Variants in OR1J2 observed in about 807,000 individuals in gnomAD.
The protein encoded by OR1J2 is olfactory receptor family 1 subfamily J member 2, also known as olfactory receptor 1J2.
For missense variants in OR1J2, 304 were observed against 246.1 expected (o/e 1.24, Z -1.57); for synonymous variants, 142 against 99.7 (o/e 1.42, Z -2.52).
At chr9:122,527,582 A>G in the OR1J2 span, among the ~76,000 whole-genome samples, 1 of 151,976 alleles carries the variant, frequency 6.6e-6, no homozygotes, top group Non-Finnish European at 1.5e-5. Flanking sequence ...GCCTCATGTT[A>G]GTTTCATTTT....
chr9:122,553,604 A>T, the OR1J2 span: 1 of 1,614,070 alleles, frequency 6.2e-7, no homozygotes, highest in African/African-American at 1.3e-5. Context: ...CCATCTGCCA[A>T]CCACTCCATT....
At chr9:122,531,794 A>G in the OR1J2 span, among the ~76,000 whole-genome samples, 10 of 152,196 alleles carry the variant, frequency 6.6e-5, no homozygotes, top group Admixed American at 3.3e-4. Context: ...ATCAGACTGT[A>G]TAGAGGTGGG....
chr9:122,476,439 A>T, the OR1J2 span, among the ~76,000 whole-genome samples: 1 of 152,220 alleles, frequency 6.6e-6, no homozygotes, highest in Non-Finnish European at 1.5e-5. Context: ...GTGACATAAC[A>T]TGCTCAGAAT....
At chr9:122,468,952 A>G in the OR1J2 span, among the ~76,000 whole-genome samples, 1 of 152,192 alleles carries the variant, frequency 6.6e-6, no homozygotes, top group Non-Finnish European at 1.5e-5. Flanking sequence ...CCAGCTTTTA[A>G]TTCCTTGGGA....
At chr9:122,577,775 G>GA in the OR1J2 span, among the ~76,000 whole-genome samples, 1 of 152,160 alleles carries the variant, frequency 6.6e-6, no homozygotes, top group East Asian at 1.9e-4. Flanking sequence ...GGAAACAGTT[G>GA]AAAGTGGTAC....
the OR1J2 span, among the ~76,000 whole-genome samples, chr9:122,469,696 C>A: frequency 6.6e-6 from 1 of 152,298 alleles, no homozygotes; most frequent in South Asian, 2.1e-4. Context: ...TCCCTAGAGA[C>A]TTGTTGAATG....
At chr9:122,458,132 T>A in the OR1J2 span, among the ~76,000 whole-genome samples, 2 of 152,210 alleles carry the variant, frequency 1.3e-5, no homozygotes, top group Non-Finnish European at 1.5e-5. Flanking sequence ...ATGTCTTCAT[T>A]TGTCTTTATT....
At chr9:122,547,377 C>T in the OR1J2 span, among the ~76,000 whole-genome samples, 1 of 152,236 alleles carries the variant, frequency 6.6e-6, no homozygotes, top group South Asian at 2.1e-4. Context: ...TTGTTATATA[C>T]TGTTTATTTT....
the OR1J2 span, among the ~76,000 whole-genome samples, chr9:122,565,638 C>T: frequency 6.6e-6 from 1 of 152,228 alleles, no homozygotes; most frequent in Non-Finnish European, 1.5e-5. Context: ...TAGTCTGCTT[C>T]TGTCATAGAA....
chr9:122,550,924 GAAA>G, the OR1J2 span, among the ~76,000 whole-genome samples: 1 of 142,606 alleles, frequency 7.0e-6, no homozygotes, highest in Non-Finnish European at 1.5e-5. Flanking sequence ...AACAATCAGG[GAAA>G]AAAAAAAAAG....
the OR1J2 span, chr9:122,553,072 G>A: frequency 2.4e-6 from 2 of 830,912 alleles, no homozygotes; most frequent in East Asian, 2.5e-5. Context: ...GATTCTTATT[G>A]GCAAAGACCA....
the OR1J2 span, among the ~76,000 whole-genome samples, chr9:122,571,234 A>C: frequency 6.6e-6 from 1 of 152,042 alleles, no homozygotes; most frequent in African/African-American, 2.4e-5. Flanking sequence ...CTAATGAGGG[A>C]CTGGTCACAA....
the OR1J2 span, among the ~76,000 whole-genome samples, chr9:122,524,934 A>C: frequency 6.6e-6 from 1 of 152,310 alleles, no homozygotes; most frequent in South Asian, 2.1e-4. Context: ...AGGATAGTCC[A>C]TTGCCAGTTC....
Position 122,511,322 on chromosome 9 carries a change from T to C in OR1J2, c.521T>C (p.Ile174Thr). Residue 174 changes from isoleucine (I) to threonine (T), a missense_variant, in exon 1 of 1, where the codon ATC becomes ACC. Transcript: ENST00000335302. ...TRLSFCAANTIPHVFCDLAAL... is the reference protein window; with the variant it reads ...TRLSFCAANTTPHVFCDLAAL... ...CTGTCTTTCTGTGCTGCGAACACCATCCCCCATGTCTTCTGTGACCTTGCT... is the reference window on the plus strand; with the variant it reads ...CTGTCTTTCTGTGCTGCGAACACCACCCCCCATGTCTTCTGTGACCTTGCT... 1.4e-6 allele frequency: 1 copy of C among 727,394 alleles called. No homozygotes were observed. Among genetic ancestry groups the C allele is most frequent in the Non-Finnish European group, 2.5e-6 (1 of 393,344 alleles). 45.1% of individuals were successfully genotyped at this position (727,394 alleles called of 1,614,324 possible).
chr9:122,472,138 C>T, the OR1J2 span, among the ~76,000 whole-genome samples: 2 of 152,144 alleles, frequency 1.3e-5, no homozygotes, highest in Admixed American at 6.5e-5. Context: ...TGGATTTTAT[C>T]GAGCTCCCTC....
the OR1J2 span, among the ~76,000 whole-genome samples, chr9:122,520,519 G>C: frequency 6.6e-6 from 1 of 152,110 alleles, no homozygotes; most frequent in African/African-American, 2.4e-5. Flanking sequence ...AAACTATATA[G>C]TACCCTTTAC....
At chr9:122,570,815 A>T in the OR1J2 span, among the ~76,000 whole-genome samples, 4 of 147,820 alleles carry the variant, frequency 2.7e-5, no homozygotes, top group Admixed American at 6.9e-5. Context: ...AGTCAATAAT[A>T]TTAACAAATA....
chr9:122,534,494 C>T, the OR1J2 span, among the ~76,000 whole-genome samples: 1 of 152,086 alleles, frequency 6.6e-6, no homozygotes, highest in South Asian at 2.1e-4. Context: ...TTGACTATGC[C>T]TTTAGCTCCA....
At chr9:122,505,999 G>A (rs941696430), upstream of OR1J2, among the ~76,000 whole-genome samples, 5 of 151,990 alleles carry the variant, frequency 3.3e-5, no homozygotes, top group African/African-American at 9.7e-5. Flanking sequence ...TTCTCCTTCT[G>A]TATTTCCTCA....
Sources: allele counts gnomAD v4.1 joint callset (sites outside exome capture counted in the v4.1 genomes callset), GRCh38; gene constraint gnomAD v4.1.1; transcripts MANE v1.5; gene names NCBI Gene and HGNC (gene_info 2026-07-23, HGNC 2026-07-21).